Variants in WDFY3 observed in about 807,000 individuals in gnomAD.
WDFY3 encodes the protein WD repeat and FYVE domain containing 3, also known as WD repeat and FYVE domain-containing protein 3.
WDFY3 carries 66 observed loss-of-function variants against 409.6 expected under a neutral mutation model. The observed-to-expected ratio is 0.16, with a 90% CI of 0.13 to 0.20. The LOEUF is 0.20. Ranked by LOEUF, WDFY3 falls within the 10% of genes least tolerant of loss-of-function variation. The probability of loss-of-function intolerance (pLI) is 1.00; values close to 1 mark genes in which losing one functional copy is unlikely to be tolerated. For synonymous variants in WDFY3, 1,521 were observed against 1,537.1 expected, an observed-to-expected ratio of 0.99 and a Z score of 0.25; for missense variants, 3,031 against 4,298.1, an observed-to-expected ratio of 0.71 and a Z score of 8.24.
intron 4 of WDFY3, among the ~76,000 whole-genome samples, 182 bp from the exon 5 acceptor site, chr4:84,850,207 C>T (rs1758693187): frequency 6.6e-6 from 1 of 152,092 alleles, no homozygotes; most frequent in Non-Finnish European, 1.5e-5. Context: ...AGCCACATTT[C>T]CTTTTACATA....
intron 58 of WDFY3, among the ~76,000 whole-genome samples, chr4:84,695,509 T>C (rs199677148): frequency 5.0e-4 from 54 of 107,356 alleles, no homozygotes; most frequent in African/African-American, 1.9e-3. Context: ...CAGAGAGAGA[T>C]AGAGAGAGAG....
intron 10 of WDFY3, among the ~76,000 whole-genome samples, chr4:84,823,714 A>G (rs548345025): frequency 6.6e-6 from 1 of 152,288 alleles, no homozygotes; most frequent in South Asian, 2.1e-4. Context: ...AAATTAAAAT[A>G]ACAATTAGAC....
At chr4:84,730,633 T>C (rs1006745131) in intron 44 of WDFY3, among the ~76,000 whole-genome samples, 2 of 152,176 alleles carry the variant, frequency 1.3e-5, no homozygotes, top group Non-Finnish European at 2.9e-5. Context: ...CAGAGGGCTG[T>C]TATAAGACTG....
chr4:84,758,142 T>C (rs1353175146), intron 32 of WDFY3, among the ~76,000 whole-genome samples: 1 of 152,208 alleles, frequency 6.6e-6, no homozygotes, highest in Non-Finnish European at 1.5e-5. Flanking sequence ...CAGTACACAG[T>C]GAATGTTTGT....
At chr4:84,766,437 G>A (rs919842826) in intron 30 of WDFY3, 65 bp from the exon 31 acceptor site, 1 of 1,452,740 alleles carries the variant, frequency 6.9e-7, no homozygotes, top group African/African-American at 1.5e-5. Context: ...TTACAACATA[G>A]TTCTTGGAAA....
chr4:84,729,791 A>G (rs1415915690), intron 44 of WDFY3, among the ~76,000 whole-genome samples: 1 of 152,142 alleles, frequency 6.6e-6, no homozygotes, highest in Non-Finnish European at 1.5e-5. Context: ...GGACAGGACA[A>G]AAAAAGGAAA....
chr4:84,871,459 C>G (rs1285117137), intron 3 of WDFY3, among the ~76,000 whole-genome samples: 1 of 152,082 alleles, frequency 6.6e-6, no homozygotes, highest in African/African-American at 2.4e-5. Context: ...AAGACTTCCT[C>G]AGATAAGCAA....
Position 84,679,121 on chromosome 4 carries a change from G to C in WDFY3, c.9945C>G (p.Ser3315=). Residue 3315 remains serine, a synonymous_variant, in exon 65 of 68, where the codon TCC becomes TCG. Transcript: ENST00000295888. ...SSTSHRPRAA[S]CRATAAWCTD... Reference sequence around the variant, plus strand: ...TACACCAGGCGGCTGTTGCGCGGCAGGAGGCTGCCCGGGGCCTGTGGCTGG... The same window carrying C: ...TACACCAGGCGGCTGTTGCGCGGCACGAGGCTGCCCGGGGCCTGTGGCTGG... 1 of 1,614,220 alleles carries C rather than the reference G, an allele frequency of 6.2e-7. No individual in the cohort carries two copies. The highest frequency in any genetic ancestry group is 1.7e-5 in the Admixed American group (1 of 60,032).
chr4:84,931,337 T>C (rs1364841302), intron 2 of WDFY3, among the ~76,000 whole-genome samples: 1 of 152,194 alleles, frequency 6.6e-6, no homozygotes, highest in African/African-American at 2.4e-5. Context: ...TCTAAAGGTA[T>C]CTGATTGAGG....
At chr4:84,851,625 A>G (rs1207174133) in intron 4 of WDFY3, among the ~76,000 whole-genome samples, 1 of 152,176 alleles carries the variant, frequency 6.6e-6, no homozygotes, top group Non-Finnish European at 1.5e-5. Context: ...AGACCTCTAT[A>G]TTTTCCATGT....
At chr4:84,738,263 T>G (rs924349477) in intron 40 of WDFY3, among the ~76,000 whole-genome samples, 2 of 151,796 alleles carry the variant, frequency 1.3e-5, no homozygotes, top group African/African-American at 2.4e-5. Flanking sequence ...GACTTCAATA[T>G]GCAATCCTTA....
intron 51 of WDFY3, among the ~76,000 whole-genome samples, chr4:84,710,233 C>A (rs1254639900): frequency 6.6e-6 from 1 of 152,028 alleles, no homozygotes; most frequent in African/African-American, 2.4e-5. Context: ...TCCAAGCATA[C>A]TTAATTAGAA....
At chr4:84,894,553 G>A (rs547098288) in intron 3 of WDFY3, among the ~76,000 whole-genome samples, 22 of 152,144 alleles carry the variant, frequency 1.4e-4, no homozygotes, top group South Asian at 2.1e-4. Flanking sequence ...CTGGGAGGGC[G>A]AGGCAGGTGG....
intron 33 of WDFY3, among the ~76,000 whole-genome samples, 172 bp downstream of exon 33, chr4:84,756,754 G>A (rs984412146): frequency 2.0e-5 from 3 of 151,912 alleles, no homozygotes; most frequent in African/African-American, 7.3e-5. Flanking sequence ...AGGGACAAAG[G>A]ACTTTTTGGG....
chr4:84,936,552 A>G (rs1220982531), intron 1 of WDFY3, among the ~76,000 whole-genome samples: 1 of 152,108 alleles, frequency 6.6e-6, no homozygotes, highest in African/African-American at 2.4e-5. Flanking sequence ...TTGAAGATCA[A>G]TGAGAAAATT....
chr4:84,840,563 T>C (rs927736882), intron 6 of WDFY3, among the ~76,000 whole-genome samples: 2 of 151,996 alleles, frequency 1.3e-5, no homozygotes, highest in Non-Finnish European at 2.9e-5. Context: ...TTGCCCAGAA[T>C]GCTCTACAAA....
intron 2 of WDFY3, among the ~76,000 whole-genome samples, chr4:84,925,655 T>C (rs1769880604): frequency 6.6e-6 from 1 of 152,200 alleles, no homozygotes; most frequent in African/African-American, 2.4e-5. Flanking sequence ...AATTAAGATA[T>C]GGACTGAATT....
At chr4:84,766,861 C>G (rs778172732) in intron 30 of WDFY3, among the ~76,000 whole-genome samples, 7 of 152,172 alleles carry the variant, frequency 4.6e-5, no homozygotes, top group Non-Finnish European at 1.5e-5. Context: ...CAAAGGCGCA[C>G]AAACGCATAA....
At chr4:84,800,520 AACT>A (rs1388550798) in intron 17 of WDFY3, among the ~76,000 whole-genome samples, 1 of 152,194 alleles carries the variant, frequency 6.6e-6, no homozygotes, top group East Asian at 1.9e-4. Context: ...AAAAAGAAAA[AACT>A]ACTGATACAT....
Sources: gnomAD v4.1 joint callset for allele counts (sites outside exome capture counted in the v4.1 genomes callset) on GRCh38, gnomAD v4.1.1 for gene constraint, MANE v1.5 for transcripts, NCBI Gene and HGNC (gene_info 2026-07-23, HGNC 2026-07-21) for gene names.